Variants in KAZN observed in about 807,000 individuals in gnomAD.
KAZN encodes the protein kazrin, periplakin interacting protein.
KAZN carries 40 observed loss-of-function variants against 87.4 expected under a neutral mutation model. The observed-to-expected ratio is 0.46, with a 90% CI of 0.36 to 0.60. The LOEUF (loss-of-function observed/expected upper bound fraction) is 0.60, where lower values mean the gene tolerates loss of function less well. Among genes scored for constraint, KAZN ranks in the 20% least tolerant of loss-of-function variants. The probability of loss-of-function intolerance (pLI) is 0.00; values close to 1 mark genes in which losing one functional copy is unlikely to be tolerated. For synonymous variants in KAZN, 466 were observed against 458.3 expected (o/e 1.02, Z -0.22); for missense variants, 898 against 1,073.9 (o/e 0.84, Z 2.29).
Position 15,104,073 on chromosome 1 carries a change from G to T in KAZN, c.1932G>T (p.Val644=), listed in dbSNP as rs759711348. The T allele has an allele frequency of 1.1e-5, 17 of 1,613,566 alleles. No individual in the cohort carries two copies. In the Admixed American group the frequency reaches 2.7e-4, roughly 25 times the overall value. ...GCGGCGTCCATGGTGCTGTGCTGGTGCTGGAGCCCACATTCAATGCCGAGG... is the reference window on the plus strand; with the variant it reads ...GCGGCGTCCATGGTGCTGTGCTGGTTCTGGAGCCCACATTCAATGCCGAGG... ...TNSGVHGAVL[V]LEPTFNAEAM... The change falls in exon 13 of 15, where the codon GTG becomes GTT. Residue 644 remains valine, a synonymous_variant. Coordinates refer to ENST00000376030, the MANE Select transcript of KAZN (RefSeq NM_201628.3).
chr1:14,499,786 C>G (rs866941055), intron 2 of KAZN, among the ~76,000 whole-genome samples: 28 of 152,272 alleles, frequency 1.8e-4, no homozygotes, highest in South Asian at 8.3e-4. Flanking sequence ...GCTTGGGCCT[C>G]AGTTGTACTC....
At chr1:14,959,011 G>T (rs1395319333) in intron 1 of KAZN, among the ~76,000 whole-genome samples, 1 of 152,248 alleles carries the variant, frequency 6.6e-6, no homozygotes, top group Non-Finnish European at 1.5e-5. Context: ...CCGCCCTCCT[G>T]GGCCTTACAG....
intron 1 of KAZN, among the ~76,000 whole-genome samples, chr1:14,049,796 G>T (rs997650195): frequency 6.6e-6 from 1 of 152,226 alleles, no homozygotes; most frequent in Non-Finnish European, 1.5e-5. Flanking sequence ...ACCAGACAGT[G>T]CCCTTGCTCT....
intron 8 of KAZN, chr1:15,068,266 G>A (rs1639350977): frequency 4.8e-6 from 1 of 209,170 alleles, no homozygotes; most frequent in Non-Finnish European, 8.3e-6. Context: ...CTGGGTTCTG[G>A]GAGGGGGGAT....
At chr1:15,060,360 C>A in intron 6 of KAZN, 58 bp downstream of exon 6, 1 of 1,446,466 alleles carries the variant, frequency 6.9e-7, no homozygotes, top group Non-Finnish European at 9.7e-7. Context: ...ACTGCAGGGG[C>A]GGGGGTGGCG....
chr1:14,282,393 A>C lies in KAZN; in HGVS notation c.249+101801A>C, dbSNP rs75129715. Among the ~76,000 whole-genome samples, 836 of 152,302 alleles carry C rather than the reference A, an allele frequency of 5.5e-3. 4 individuals are homozygous for C. Among genetic ancestry groups the C allele is most frequent in the African/African-American group, 0.019 (791 of 41,560 alleles). ...CTAGGTACAAGGACAAATCACTAAT[A>C]CTTATTCCTGAGAACACAGAAGCCA... On this transcript the variant is annotated intron_variant, in intron 2 of 16. Coordinates refer to the KAZN transcript ENST00000636203.
intron 2 of KAZN, among the ~76,000 whole-genome samples, chr1:14,208,759 A>T (rs1347291494): frequency 6.6e-6 from 1 of 152,188 alleles, no homozygotes; most frequent in Non-Finnish European, 1.5e-5. Flanking sequence ...AGCCAGCAAC[A>T]TGCTGAGGGT....
At chr1:14,255,500 G>A (rs1650435573) in intron 2 of KAZN, among the ~76,000 whole-genome samples, 1 of 152,210 alleles carries the variant, frequency 6.6e-6, no homozygotes, top group Non-Finnish European at 1.5e-5. Context: ...TAAAGGAATG[G>A]CATCTTCAGT....
chr1:14,203,119 ATAAT>A (rs556145941), intron 2 of KAZN, among the ~76,000 whole-genome samples: 5 of 152,166 alleles, frequency 3.3e-5, no homozygotes, highest in African/African-American at 1.2e-4. Context: ...TAGATAATAA[ATAAT>A]AAGAAGCCTA....
At chr1:14,077,820 A>C (rs1643519737) in intron 1 of KAZN, among the ~76,000 whole-genome samples, 1 of 152,184 alleles carries the variant, frequency 6.6e-6, no homozygotes, top group Admixed American at 6.5e-5. Context: ...AGACACACCA[A>C]GACCGACACA....
Position 15,056,348 on chromosome 1 carries a change from T to G in KAZN, c.916+68T>G. ...CTTCACAGGAGGCCATCTGACCCAG[T>G]GGGAGAGGCAGCTGCTTTGTTCGTA... On this transcript the variant is annotated intron_variant, in intron 5 of 14. Transcript: ENST00000376030. The surrounding 1 kb of genome is among the most constrained non-coding windows in gnomAD (Gnocchi z 5.4). 6.8e-7 allele frequency: 1 copy of G among 1,467,946 alleles called. No homozygotes were observed. Among genetic ancestry groups the G allele is most frequent in the East Asian group, 2.5e-5 (1 of 40,534 alleles). The allele number at this position is 1,467,946 out of a possible 1,614,324, so 90.9% of individuals were successfully genotyped here.
At chr1:14,872,721 G>A (rs1652271914) in intron 1 of KAZN, among the ~76,000 whole-genome samples, 1 of 152,158 alleles carries the variant, frequency 6.6e-6, no homozygotes, top group South Asian at 2.1e-4. Context: ...CAGAATCCCA[G>A]TAAGAAATTA....
chr1:13,899,995 C>T (rs920843503), intron 1 of KAZN, among the ~76,000 whole-genome samples: 27 of 152,242 alleles, frequency 1.8e-4, no homozygotes, highest in South Asian at 6.2e-4. Flanking sequence ...AAGATATTGA[C>T]GCATCTGTTT....
At chr1:14,670,180 T>G (rs992952890) in intron 1 of KAZN, among the ~76,000 whole-genome samples, 2 of 150,382 alleles carry the variant, frequency 1.3e-5, no homozygotes, top group Non-Finnish European at 3.0e-5. Context: ...GGCAAAAACT[T>G]AGACTCTTTA....
At chr1:14,321,034 C>T (rs1254949611) in intron 2 of KAZN, among the ~76,000 whole-genome samples, 1 of 152,130 alleles carries the variant, frequency 6.6e-6, no homozygotes, top group Non-Finnish European at 1.5e-5. Context: ...TTTTAAAAAT[C>T]ATATTCTCTG....
At chr1:13,895,929 T>C (rs756011375) in intron 1 of KAZN, among the ~76,000 whole-genome samples, 30 of 149,910 alleles carry the variant, frequency 2.0e-4, no homozygotes, top group Admixed American at 6.6e-4. Context: ...TTTTCAATGA[T>C]ACCATTTCCT....
At chr1:14,818,017 G>A (rs190843959) in intron 1 of KAZN, among the ~76,000 whole-genome samples, 7 of 152,350 alleles carry the variant, frequency 4.6e-5, no homozygotes, top group Admixed American at 4.6e-4. Context: ...GCAGAAAATT[G>A]CAAAGTGGGC....
Position 13,974,058 on chromosome 1 carries a change from G to A in KAZN, c.91+80302G>A, listed in dbSNP as rs1208873814. ...CCAGGCACAAGCTTCCAGGAGCTTC[G>A]CTCAGGGGAGTCACATGGGATGTGT... On this transcript the variant is annotated intron_variant, in intron 1 of 16. Coordinates refer to the KAZN transcript ENST00000636203. Among the ~76,000 whole-genome samples the A allele has an allele frequency of 4.6e-5, 7 of 152,358 alleles. No individual in the cohort carries two copies. The South Asian group carries it at 6.2e-4, about 14-fold the overall frequency.
intron 1 of KAZN, among the ~76,000 whole-genome samples, chr1:14,069,093 G>A (rs773298194): frequency 1.3e-5 from 2 of 152,094 alleles, no homozygotes; most frequent in African/African-American, 2.4e-5. Flanking sequence ...CACCATGCCC[G>A]GCCAGTTGTT....
Sources: allele counts gnomAD v4.1 joint callset (sites outside exome capture counted in the v4.1 genomes callset), GRCh38; gene constraint gnomAD v4.1.1; non-coding constraint Gnocchi (gnomAD v3.1); transcripts MANE v1.5; gene names NCBI Gene and HGNC (gene_info 2026-07-23, HGNC 2026-07-21).